RASEF: variants seen among roughly 807,000 people sequenced by gnomAD.
RASEF encodes ras and EF-hand domain-containing protein.
Under a neutral mutation model 90.1 loss-of-function variants are expected in RASEF, and 68 were observed. The observed-to-expected ratio is 0.75, with a 90% CI of 0.62 to 0.92. RASEF has a LOEUF of 0.92. Among genes scored for constraint, RASEF ranks in the 40% least tolerant of loss-of-function variants. The probability of loss-of-function intolerance (pLI) is 0.00; values close to 1 mark genes in which losing one functional copy is unlikely to be tolerated. For missense variants in RASEF, 949 were observed against 937.2 expected (o/e 1.01, Z -0.16); for synonymous variants, 331 against 345.2 (o/e 0.96, Z 0.46).
chr9:83,073,983 T>C, the RASEF span, among the ~76,000 whole-genome samples: 1,584 of 152,324 alleles, frequency 0.01, 32 homozygotes, highest in African/African-American at 0.036. Flanking sequence ...ATTTCCGAAC[T>C]GAAAAATAAT....
intron 1 of RASEF, among the ~76,000 whole-genome samples, 192 bp from the exon 2 acceptor site, chr9:83,026,113 G>T (rs1401763142): frequency 6.6e-6 from 1 of 152,124 alleles, no homozygotes; most frequent in Non-Finnish European, 1.5e-5. Flanking sequence ...AGGAGATGGG[G>T]CCTGCGAGGA....
the RASEF span, among the ~76,000 whole-genome samples, chr9:83,188,595 T>G: frequency 6.6e-6 from 1 of 152,184 alleles, no homozygotes; most frequent in Non-Finnish European, 1.5e-5. Context: ...AAAAGGCTAG[T>G]GCAGCAGGGA....
At chr9:83,045,366 C>G (rs1011826517) in intron 1 of RASEF, among the ~76,000 whole-genome samples, 2 of 152,174 alleles carry the variant, frequency 1.3e-5, no homozygotes, top group Non-Finnish European at 2.9e-5. Context: ...TTAATTGTTA[C>G]TGATAAGAAC....
the RASEF span, among the ~76,000 whole-genome samples, chr9:83,122,895 TA>T: frequency 6.6e-6 from 1 of 152,150 alleles, no homozygotes; most frequent in African/African-American, 2.4e-5. Flanking sequence ...GCTATCTAGG[TA>T]GTGGCAATAT....
At chr9:83,190,228 C>T in the RASEF span, among the ~76,000 whole-genome samples, 4 of 152,176 alleles carry the variant, frequency 2.6e-5, no homozygotes, top group Admixed American at 6.5e-5. Flanking sequence ...AATTTGTTAT[C>T]CCTGTTACAC....
chr9:83,186,173 C>G, the RASEF span, among the ~76,000 whole-genome samples: 1,430 of 152,220 alleles, frequency 9.4e-3, 17 homozygotes, highest in African/African-American at 0.032. Flanking sequence ...AAATTTGGCT[C>G]ATGATCTAAG....
intron 1 of RASEF, among the ~76,000 whole-genome samples, chr9:83,041,161 C>T (rs1829834038): frequency 1.3e-5 from 2 of 152,238 alleles, no homozygotes; most frequent in Admixed American, 6.5e-5. Flanking sequence ...GTGCCCGGTG[C>T]TCTGGCCTTT....
At chr9:83,059,539 C>A (rs572337981) in intron 1 of RASEF, among the ~76,000 whole-genome samples, 1 of 152,282 alleles carries the variant, frequency 6.6e-6, no homozygotes, top group South Asian at 2.1e-4. Flanking sequence ...CTCCCTTTCA[C>A]CAAGACAATG....
intron 7 of RASEF, among the ~76,000 whole-genome samples, chr9:83,006,229 T>G (rs1016270273): frequency 6.6e-6 from 1 of 152,210 alleles, no homozygotes; most frequent in African/African-American, 2.4e-5. Context: ...TTAGGGGACA[T>G]GTACCTTTCT....
chr9:83,065,237 A>G (rs770302460), upstream of RASEF, among the ~76,000 whole-genome samples: 8 of 152,170 alleles, frequency 5.3e-5, no homozygotes, highest in Non-Finnish European at 1.0e-4. Flanking sequence ...CTACCATTTT[A>G]TTTGTTCATA....
the RASEF span, among the ~76,000 whole-genome samples, chr9:83,133,151 TA>T: frequency 6.6e-6 from 1 of 152,198 alleles, no homozygotes; most frequent in South Asian, 2.1e-4. Flanking sequence ...ATTTTGTTCC[TA>T]ACCTCTTTGA....
At chr9:83,089,566 G>A in the RASEF span, among the ~76,000 whole-genome samples, 5 of 152,002 alleles carry the variant, frequency 3.3e-5, no homozygotes, top group African/African-American at 9.7e-5. Flanking sequence ...GAAGTCTGTC[G>A]ATCTTTTTCT....
rs769582859 is a variant in RASEF at position 83,007,470 on chromosome 9, C to T, written c.995G>A (p.Arg332Gln). ...LEIIRAYTED[R>Q]NSLERQIEIL... ...TTCAATTTGCCTCTCAAGACTATTT[C>T]GATCTTCTGTGTATGCTCGGATTAT... The change falls in exon 7 of 17, where the codon CGA becomes CAA. Residue 332 changes from arginine to glutamine, a missense_variant. Arg to Gln is a conservative substitution (Grantham distance 43). Coordinates refer to ENST00000376447, the MANE Select transcript of RASEF (RefSeq NM_152573.4). 3.2e-5 allele frequency: 51 copies of T among 1,613,006 alleles called. No individual in the cohort carries two copies. The highest frequency in any genetic ancestry group is 7.7e-5 in the South Asian group (7 of 91,060).
At chr9:83,141,786 C>T in the RASEF span, among the ~76,000 whole-genome samples, 1 of 152,110 alleles carries the variant, frequency 6.6e-6, no homozygotes, top group Admixed American at 6.6e-5. Flanking sequence ...ATTAGACTTG[C>T]CCAAGGTTGA....
At chr9:83,158,545 T>TACACACACAC in the RASEF span, among the ~76,000 whole-genome samples, 2 of 148,762 alleles carry the variant, frequency 1.3e-5, no homozygotes, top group East Asian at 3.9e-4. Flanking sequence ...CACACACACA[T>TACACACACAC]ACACACACAC....
At chr9:83,103,671 G>C in the RASEF span, among the ~76,000 whole-genome samples, 1 of 152,208 alleles carries the variant, frequency 6.6e-6, no homozygotes, top group East Asian at 1.9e-4. Context: ...GCAATCATTG[G>C]AGAATTACTA....
the RASEF span, among the ~76,000 whole-genome samples, chr9:83,129,537 T>C: frequency 6.6e-6 from 1 of 152,212 alleles, no homozygotes; most frequent in African/African-American, 2.4e-5. Flanking sequence ...TCTAACAGAA[T>C]TGCACTCTTC....
chr9:83,023,349 G>A (rs1194360718), intron 2 of RASEF, among the ~76,000 whole-genome samples: 2 of 152,178 alleles, frequency 1.3e-5, no homozygotes, highest in Non-Finnish European at 2.9e-5. Flanking sequence ...TCTAAACCAT[G>A]AGCTTTAGAG....
the RASEF span, among the ~76,000 whole-genome samples, chr9:83,170,644 A>T: frequency 2.0e-4 from 31 of 151,750 alleles, no homozygotes; most frequent in South Asian, 5.6e-3. Context: ...TTATTTGGTT[A>T]AGTTTATTCC....
Sources: allele counts gnomAD v4.1 joint callset (sites outside exome capture counted in the v4.1 genomes callset), GRCh38; gene constraint gnomAD v4.1.1; transcripts MANE v1.5; gene names NCBI Gene and HGNC (gene_info 2026-07-23, HGNC 2026-07-21).